DLC1: variants seen among roughly 807,000 people sequenced by gnomAD.
The protein encoded by DLC1 is DLC1 Rho GTPase activating protein, also known as rho GTPase-activating protein 7.
In DLC1, 54 loss-of-function variants were observed where a neutral mutation model predicts 140.3. The ratio of observed to expected loss-of-function variants is 0.38; its 90% confidence interval spans 0.31 to 0.48. The LOEUF is 0.48. Ranked by LOEUF, DLC1 falls within the 20% of genes least tolerant of loss-of-function variation. The pLI is 0.96. For missense variants in DLC1, 2,536 were observed against 1,907.0 expected, an observed-to-expected ratio of 1.33 and a Z score of -6.14; for synonymous variants, 986 against 728.1, an observed-to-expected ratio of 1.35 and a Z score of -5.70.
chr8:13,268,898 G>T (rs190921934), intron 5 of DLC1, among the ~76,000 whole-genome samples: 169 of 120,286 alleles, frequency 1.4e-3, no homozygotes, highest in African/African-American at 5.1e-3. Context: ...TTTTTGAGAT[G>T]GAGTCTCACT....
intron 5 of DLC1, among the ~76,000 whole-genome samples, chr8:13,266,569 A>T (rs1320424407): frequency 6.6e-6 from 1 of 151,834 alleles, no homozygotes; most frequent in Non-Finnish European, 1.5e-5. Context: ...ACATGGTGAA[A>T]CCCCATCTCT....
chr8:13,088,004 G>A (rs934155534), intron 16 of DLC1, among the ~76,000 whole-genome samples: 9 of 152,196 alleles, frequency 5.9e-5, no homozygotes, highest in Admixed American at 2.0e-4. Flanking sequence ...CATTCTCAGC[G>A]AGGAACACAC....
intron 1 of DLC1, among the ~76,000 whole-genome samples, chr8:13,507,710 C>A (rs1052418781): frequency 2.0e-5 from 3 of 152,124 alleles, no homozygotes; most frequent in African/African-American, 7.2e-5. Context: ...TGGCAAATTG[C>A]TTAATGGAGA....
chr8:13,253,426 A>G (rs192563868), intron 5 of DLC1, among the ~76,000 whole-genome samples: 51 of 137,890 alleles, frequency 3.7e-4, no homozygotes, highest in Non-Finnish European at 6.9e-4. Context: ...AGAAAAATAC[A>G]TATTATGTGT....
intron 5 of DLC1, among the ~76,000 whole-genome samples, chr8:13,280,535 G>T (rs960711831): frequency 6.6e-5 from 10 of 152,000 alleles, no homozygotes. Context: ...TCCTGCTTTG[G>T]TAATGTATTA....
chr8:13,122,021 C>CT (rs1162614707), intron 5 of DLC1, among the ~76,000 whole-genome samples: 2 of 152,142 alleles, frequency 1.3e-5, no homozygotes, highest in Non-Finnish European at 2.9e-5. Context: ...TCGTCCTGGA[C>CT]TTTTTCACCC....
At chr8:13,595,965 A>T (rs2117485708) in intron 1 of DLC1, among the ~76,000 whole-genome samples, 1 of 152,088 alleles carries the variant, frequency 6.6e-6, no homozygotes, top group East Asian at 1.9e-4. Context: ...ATATTAGGAA[A>T]TCTCCTCCTT....
intron 1 of DLC1, among the ~76,000 whole-genome samples, chr8:13,526,411 A>T (rs555411049): frequency 1.3e-5 from 2 of 152,178 alleles, no homozygotes; most frequent in East Asian, 1.9e-4. Flanking sequence ...TGACATCTTG[A>T]TAATATTGAG....
intron 1 of DLC1, among the ~76,000 whole-genome samples, chr8:13,530,880 A>T (rs561580451): frequency 6.6e-6 from 1 of 152,288 alleles, no homozygotes; most frequent in African/African-American, 2.4e-5. Context: ...ATATACAAAT[A>T]TTTTACCATT....
chr8:13,090,504 G>C (rs376151630), intron 14 of DLC1, 34 bp from the exon 15 acceptor site: 18 of 1,609,038 alleles, frequency 1.1e-5, no homozygotes, highest in Non-Finnish European at 1.5e-5. Flanking sequence ...AAGGAGGTGA[G>C]TCCACCTGTA....
At chr8:13,094,705 A>G (rs1457711085) in intron 12 of DLC1, 54 bp downstream of exon 12, 2 of 1,601,922 alleles carry the variant, frequency 1.2e-6, no homozygotes, top group Non-Finnish European at 1.7e-6. Context: ...TACAAGCTTC[A>G]GTTGGTCCCA....
At chr8:13,144,131 C>T (rs1823242638) in intron 5 of DLC1, among the ~76,000 whole-genome samples, 1 of 152,182 alleles carries the variant, frequency 6.6e-6, no homozygotes, top group Non-Finnish European at 1.5e-5. Context: ...AGAAAGATCT[C>T]TCACCCAATT....
intron 4 of DLC1, among the ~76,000 whole-genome samples, chr8:13,362,794 C>A (rs980396643): frequency 6.6e-6 from 1 of 152,162 alleles, no homozygotes; most frequent in East Asian, 1.9e-4. Flanking sequence ...TTTCCTGTCT[C>A]AGGGCCTTTG....
chr8:13,102,743 G>C (rs755515903), intron 8 of DLC1, 47 bp downstream of exon 8: 3 of 1,523,292 alleles, frequency 2.0e-6, no homozygotes, highest in African/African-American at 1.4e-5. Context: ...TCACTTTTTT[G>C]TTTGCCCCTT....
intron 2 of DLC1, among the ~76,000 whole-genome samples, chr8:13,436,492 C>G (rs1028495312): frequency 1.3e-5 from 2 of 152,142 alleles, no homozygotes; most frequent in Admixed American, 1.3e-4. Context: ...CTTTTCCAGA[C>G]TTGTCTATAA....
chr8:13,590,972 C>G (rs1349017621), intron 1 of DLC1, among the ~76,000 whole-genome samples: 1 of 151,964 alleles, frequency 6.6e-6, no homozygotes, highest in Non-Finnish European at 1.5e-5. Flanking sequence ...CCAATATTTT[C>G]TTCATTATAA....
At chr8:13,512,739 T>C (rs987594503) in intron 1 of DLC1, among the ~76,000 whole-genome samples, 1 of 152,084 alleles carries the variant, frequency 6.6e-6, no homozygotes, top group African/African-American at 2.4e-5. Context: ...TACAAGGATA[T>C]AAATTAGAAA....
intron 1 of DLC1, among the ~76,000 whole-genome samples, chr8:13,571,296 A>G (rs538413721): frequency 1.1e-4 from 16 of 152,306 alleles, no homozygotes; most frequent in Non-Finnish European, 1.9e-4. Context: ...ATGTTGTGCA[A>G]CCATCACCAC....
At chr8:13,489,412 T>TACACACACGC (rs1554530219) in intron 2 of DLC1, among the ~76,000 whole-genome samples, 90 of 132,356 alleles carry the variant, frequency 6.8e-4, no homozygotes, top group South Asian at 1.9e-3. Flanking sequence ...ACACACACCA[T>TACACACACGC]ACACACACAC....
Sources: allele counts gnomAD v4.1 joint callset (sites outside exome capture counted in the v4.1 genomes callset), GRCh38; gene constraint gnomAD v4.1.1; transcripts MANE v1.5; gene names NCBI Gene and HGNC (gene_info 2026-07-23, HGNC 2026-07-21).